Variants in EIF3H observed in about 807,000 individuals in gnomAD.
EIF3H encodes the protein eIF-3-gamma.
A neutral mutation model predicts 44.2 loss-of-function variants in EIF3H; 26 were observed. The ratio of observed to expected loss-of-function variants is 0.59; its 90% CI spans 0.43 to 0.82. The LOEUF is 0.82. Among genes scored for constraint, EIF3H ranks in the 40% least tolerant of loss-of-function variants. EIF3H has a pLI of 0.00. For synonymous variants in EIF3H, 166 were observed against 151.9 expected, an observed-to-expected ratio of 1.09 and a Z score of -0.68; for missense variants, 359 against 432.8, an observed-to-expected ratio of 0.83 and a Z score of 1.51.
intron 2 of EIF3H, among the ~76,000 whole-genome samples, chr8:116,668,069 A>C (rs990139587): frequency 1.3e-5 from 2 of 152,140 alleles, no homozygotes; most frequent in African/African-American, 4.8e-5. Flanking sequence ...TCCCTCAGTT[A>C]AGAGGATTTG....
At chr8:116,729,750 T>C (rs559091433) in intron 1 of EIF3H, among the ~76,000 whole-genome samples, 22 of 152,290 alleles carry the variant, frequency 1.4e-4, no homozygotes, top group African/African-American at 5.1e-4. Context: ...GTAAAATTAA[T>C]GCAAATCTCT....
chr8:116,727,888 A>G (rs1162261258), intron 1 of EIF3H, among the ~76,000 whole-genome samples: 1 of 152,156 alleles, frequency 6.6e-6, no homozygotes, highest in Admixed American at 6.5e-5. Flanking sequence ...AAGATTGAAA[A>G]TTTGAGTATG....
chr8:116,690,592 G>T (rs1005946613), intron 2 of EIF3H, among the ~76,000 whole-genome samples: 3 of 152,166 alleles, frequency 2.0e-5, no homozygotes, highest in Admixed American at 6.5e-5. Context: ...TTACTGAAAA[G>T]GCTGTAATAG....
chr8:116,748,607 C>T (rs1252774760), intron 1 of EIF3H, among the ~76,000 whole-genome samples: 3 of 152,184 alleles, frequency 2.0e-5, no homozygotes, highest in African/African-American at 2.4e-5. Context: ...CTTCTATACA[C>T]GAGGTACTGT....
At chr8:116,755,318 C>T (rs1409937630) in intron 1 of EIF3H, among the ~76,000 whole-genome samples, 2 of 152,188 alleles carry the variant, frequency 1.3e-5, no homozygotes, top group African/African-American at 2.4e-5. Flanking sequence ...CTTCCCAGAG[C>T]CCTACTAGGT....
intron 2 of EIF3H, among the ~76,000 whole-genome samples, chr8:116,695,037 G>A (rs1814244866): frequency 6.8e-6 from 1 of 147,806 alleles, no homozygotes. Context: ...ATGATGTAGT[G>A]CAAAAAAAAC....
chr8:116,684,982 TTCTTAA>T lies in EIF3H; in HGVS notation c.290-26008_290-26003del, dbSNP rs1179782849. ...TTTACTATTTATTCGTAAGGGATAC[TTCTTAA>T]AAGGTATTTTTCCCCAATGTTTTCA... On this transcript the variant is annotated intron_variant, in intron 2 of 7. Coordinates refer to ENST00000521861, the MANE Select transcript of EIF3H (RefSeq NM_003756.3). Among the ~76,000 whole-genome samples, 3 of 152,226 alleles carry T rather than the reference TTCTTAA, an allele frequency of 2.0e-5. No individual in the cohort carries two copies. In the East Asian group the frequency reaches 5.8e-4, roughly 29 times the overall value.
chr8:116,646,037 C>T (rs1219273233), intron 7 of EIF3H, among the ~76,000 whole-genome samples: 2 of 152,116 alleles, frequency 1.3e-5, no homozygotes, highest in Non-Finnish European at 2.9e-5. Flanking sequence ...AAAGTTTATC[C>T]GGAAATACAT....
intron 2 of EIF3H, among the ~76,000 whole-genome samples, chr8:116,696,089 T>C (rs542230372): frequency 1.3e-5 from 2 of 152,350 alleles, no homozygotes; most frequent in Non-Finnish European, 2.9e-5. Flanking sequence ...CCAAGAGCAA[T>C]GAGCATGCTC....
chr8:116,766,100 A>G (rs1016828325), exon 1 of EIF3H: 13 of 152,754 alleles, frequency 8.5e-5, no homozygotes, highest in African/African-American at 1.9e-4. Context: ...GCTATCCAAT[A>G]TATCATTTCC....
intron 2 of EIF3H, among the ~76,000 whole-genome samples, chr8:116,667,412 G>A (rs1374619149): frequency 1.4e-5 from 2 of 147,354 alleles, no homozygotes; most frequent in Non-Finnish European, 3.0e-5. Flanking sequence ...AAATCAAGGA[G>A]AGAACGACCT....
chr8:116,718,729 T>C (rs1423802869), intron 2 of EIF3H, among the ~76,000 whole-genome samples: 2 of 79,278 alleles, frequency 2.5e-5, no homozygotes, highest in African/African-American at 4.9e-5. Flanking sequence ...GGAGAAAGGG[T>C]CGGGGGCGGG....
At chr8:116,685,913 G>A (rs1157662754) in intron 2 of EIF3H, among the ~76,000 whole-genome samples, 2 of 152,184 alleles carry the variant, frequency 1.3e-5, no homozygotes, top group African/African-American at 2.4e-5. Context: ...TCTGACAGCT[G>A]TGAAGGATCA....
At chr8:116,680,799 C>T (rs560718408) in intron 2 of EIF3H, among the ~76,000 whole-genome samples, 10 of 141,452 alleles carry the variant, frequency 7.1e-5, no homozygotes, top group Non-Finnish European at 9.2e-5. Flanking sequence ...TCCCCCTCTG[C>T]GAGAAACACC....
chr8:116,668,336 T>C (rs1033395684), intron 2 of EIF3H, among the ~76,000 whole-genome samples: 1 of 152,232 alleles, frequency 6.6e-6, no homozygotes, highest in Non-Finnish European at 1.5e-5. Context: ...TATGCTAAAA[T>C]GGTAACGGAA....
At chr8:116,750,790 G>A (rs934088281) in intron 1 of EIF3H, among the ~76,000 whole-genome samples, 1 of 152,020 alleles carries the variant, frequency 6.6e-6, no homozygotes, top group Non-Finnish European at 1.5e-5. Flanking sequence ...TGGAAAGAAA[G>A]GAAATAAACC....
At chr8:116,718,630 A>G (rs1480594863) in intron 2 of EIF3H, among the ~76,000 whole-genome samples, 1 of 151,318 alleles carries the variant, frequency 6.6e-6, no homozygotes, top group Non-Finnish European at 1.5e-5. Flanking sequence ...GGAATGGAAA[A>G]CCGAACATCA....
At chr8:116,676,770 TC>T (rs1050858289) in intron 2 of EIF3H, among the ~76,000 whole-genome samples, 3 of 152,168 alleles carry the variant, frequency 2.0e-5, no homozygotes, top group African/African-American at 7.2e-5. Flanking sequence ...CGTACTTAGT[TC>T]CCCAAAATTC....
chr8:116,695,437 C>T (rs911814560), intron 2 of EIF3H, among the ~76,000 whole-genome samples: 1 of 152,152 alleles, frequency 6.6e-6, no homozygotes, highest in African/African-American at 2.4e-5. Flanking sequence ...AGGTCTACAG[C>T]TTGGTGGGAG....
Sources: gnomAD v4.1 joint callset for allele counts (sites outside exome capture counted in the v4.1 genomes callset) on GRCh38, gnomAD v4.1.1 for gene constraint, MANE v1.5 for transcripts, NCBI Gene and HGNC (gene_info 2026-07-23, HGNC 2026-07-21) for gene names.